Variants in CYP2W1 observed in about 807,000 individuals in gnomAD.
The protein encoded by CYP2W1 is cytochrome P450 family 2 subfamily W member 1, also known as cytochrome P450 2W1.
CYP2W1 carries 51 observed loss-of-function variants against 44.9 expected under a neutral mutation model. That is an observed-to-expected ratio of 1.14 (90% CI 0.91 to 1.43). The LOEUF (loss-of-function observed/expected upper bound fraction) is 1.43, where lower values mean the gene tolerates loss of function less well. Ranked by LOEUF, CYP2W1 falls within the 40% of genes most tolerant of loss-of-function variation. The pLI is 0.00. For synonymous variants in CYP2W1, 383 were observed against 338.3 expected (o/e 1.13, Z -1.45); for missense variants, 746 against 700.0 (o/e 1.07, Z -0.74).
Position 985,249 on chromosome 7 carries a change from C to T in CYP2W1, c.571C>T (p.Arg191Trp), listed in dbSNP as rs778957171. ...ALLFGRRFDY[R>W]DPVFVSLLGL... ...CCTCTTCGGCCGCCGATTTGACTAC[C>T]GGGACCCCGTGTTTGTGTCCCTGCT... Residue 191 changes from arginine to tryptophan, a missense_variant, in exon 4 of 9, where the codon CGG (arginine) becomes TGG (tryptophan). Coordinates refer to ENST00000308919, the MANE Select transcript of CYP2W1 (RefSeq NM_017781.3). 5.8e-6 allele frequency: 9 copies of T among 1,552,054 alleles called. No individual in the cohort carries two copies. In the East Asian group the frequency reaches 9.7e-5, roughly 17 times the overall value.
Position 983,281 on chromosome 7 carries a change from G to C in CYP2W1, c.70G>C (p.Asp24His), listed in dbSNP as rs1220512100. The C allele has an allele frequency of 4.5e-6, 7 of 1,543,718 alleles. No homozygotes were observed. Among genetic ancestry groups the C allele is most frequent in the Non-Finnish European group, 5.2e-6 (6 of 1,145,152 alleles). ...LWGLLCACAQ[D>H]PSPAARWPPG... ...GGGGCTGCTCTGCGCCTGCGCCCAA[G>C]ACCCCTCCCCAGCTGCCCGGTGGCC... is the stretch of plus-strand genomic sequence containing the variant. The change falls in exon 1 of 9, where the codon GAC becomes CAC. Residue 24 changes from aspartate (D) to histidine (H), a missense_variant. Transcript: ENST00000308919.
chr7:984,093 G>A (rs867855635), intron 1 of CYP2W1, among the ~76,000 whole-genome samples: 1 of 152,246 alleles, frequency 6.6e-6, no homozygotes, highest in Admixed American at 6.5e-5. Context: ...CTTTCAGAAT[G>A]TGCCACCCCA....
At position 984,832 on chromosome 7, in the gene CYP2W1, G is replaced by C. The variant is rs931813122; in HGVS notation, c.338-118G>C. 1.3e-5 allele frequency: 18 copies of C among 1,368,970 alleles called. No individual in the cohort carries two copies. In the African/African-American group the frequency reaches 2.2e-4, roughly 17 times the overall value. The allele number at this position is 1,368,970 out of a possible 1,614,324, so 84.8% of individuals were successfully genotyped here. A position where few individuals can be genotyped will look rare whatever the true frequency, so the allele number is the denominator to read the frequency against. On this transcript the variant is annotated intron_variant, in intron 2 of 8. Transcript: ENST00000308919. The stretch of plus-strand genomic sequence containing the variant: ...GCCCAGGGGGACGGGAGTGGGGATG[G>C]GGGTGAGGGCCCAGCCAGTCTCGCT...
rs1284754725 is a variant in CYP2W1 at position 988,507 on chromosome 7, A to C, written c.1285+89A>C. 3 of 1,597,986 alleles carry C rather than the reference A, an allele frequency of 1.9e-6. No individual in the cohort carries two copies. The East Asian group carries it at 6.8e-5, about 36-fold the overall frequency. On this transcript the variant is annotated intron_variant, in intron 8 of 8. Coordinates refer to ENST00000308919, the MANE Select transcript of CYP2W1 (RefSeq NM_017781.3). ...AGCTCCGCCTGCCGCCTCTGCACCC[A>C]CCTCCTGATCTCAGGTTCTGAAGGC... is the stretch of plus-strand genomic sequence containing the variant.
At chr7:983,712 G>C (rs968703040) in intron 1 of CYP2W1, among the ~76,000 whole-genome samples, 5 of 152,240 alleles carry the variant, frequency 3.3e-5, no homozygotes, top group African/African-American at 1.2e-4. Flanking sequence ...GCAGAGGGGA[G>C]GAGGGCCTGG....
intron 7 of CYP2W1, among the ~76,000 whole-genome samples, 200 bp downstream of exon 7, chr7:987,731 C>G (rs1033766152): frequency 1.3e-5 from 2 of 152,334 alleles, no homozygotes; most frequent in African/African-American, 4.8e-5. Context: ...GCCTGGCCAG[C>G]AGACCTGGCG....
intron 4 of CYP2W1, chr7:986,329 A>C: frequency 2.2e-6 from 1 of 454,146 alleles, no homozygotes; most frequent in East Asian, 4.5e-5. Context: ...GACTCACAGG[A>C]GGTTCAAGGT....
intron 1 of CYP2W1, among the ~76,000 whole-genome samples, 187 bp downstream of exon 1, chr7:983,572 A>G (rs111680545): frequency 2.6e-5 from 4 of 152,284 alleles, no homozygotes; most frequent in African/African-American, 9.6e-5. Context: ...CCCACAGGGA[A>G]GCAGACACAC....
At chr7:985,641 G>GC (rs1848282983) in intron 4 of CYP2W1, among the ~76,000 whole-genome samples, 1 of 152,092 alleles carries the variant, frequency 6.6e-6, no homozygotes, top group African/African-American at 2.4e-5. Context: ...CTCCATGTCT[G>GC]CCCCCCAAGC....
Position 983,204 on chromosome 7 carries a change from A to C in CYP2W1, c.-8A>C. 6.7e-7 allele frequency: 1 copy of C among 1,490,168 alleles called. No individual in the cohort carries two copies. The highest frequency in any genetic ancestry group is 9.0e-7 in the Non-Finnish European group (1 of 1,111,890). The allele number at this position is 1,490,168 out of a possible 1,614,324, so 92.3% of individuals were successfully genotyped here. A position where few individuals can be genotyped will look rare whatever the true frequency, so the allele number is the denominator to read the frequency against. On this transcript the variant is annotated 5_prime_UTR_variant, in exon 1 of 9. Coordinates refer to ENST00000308919, the MANE Select transcript of CYP2W1 (RefSeq NM_017781.3). ...GGAGGGGAGTGGAGCCTCACCAGCC[A>C]CGTCCTCATGGCCCTGCTGCTCTTG...
chr7:983,682 G>A (rs1848097543), intron 1 of CYP2W1, among the ~76,000 whole-genome samples: 1 of 152,248 alleles, frequency 6.6e-6, no homozygotes, highest in Non-Finnish European at 1.5e-5. Context: ...AGAGCCCGCA[G>A]GAGGCCAGGC....
Position 988,290 on chromosome 7 carries a change from T to G in CYP2W1, c.1157T>G (p.Ile386Ser). ...CTGCCCCCACAGGGCACGCCCGTGA[T>G]TCCCCTGCTGACCTCGGTGCTCCTG... ...GFLLPKGTPV[I>S]PLLTSVLLDE... The change falls in exon 8 of 9, where the codon ATT becomes AGT. Residue 386 changes from isoleucine to serine, a missense_variant. Physicochemically the swap from Ile to Ser is moderately radical, Grantham distance 142 (BLOSUM62 -2). Transcript: ENST00000308919. 1 of 1,596,018 alleles carries G rather than the reference T, an allele frequency of 6.3e-7. No homozygotes were observed. The highest frequency in any genetic ancestry group is 8.6e-7 in the Non-Finnish European group (1 of 1,167,874).
chr7:988,172 G>A (rs1446631468), intron 7 of CYP2W1, 105 bp from the exon 8 acceptor site: 2 of 1,321,784 alleles, frequency 1.5e-6, no homozygotes, highest in Non-Finnish European at 2.1e-6. Flanking sequence ...AACACCAGGT[G>A]TGGTGGGTGT....
At chr7:987,296 C>T in intron 6 of CYP2W1, 51 bp downstream of exon 6, 1 of 1,517,786 alleles carries the variant, frequency 6.6e-7, no homozygotes, top group Non-Finnish European at 8.8e-7. Flanking sequence ...CGGGGGACCC[C>T]CAGGGACGAG....
rs2128123713 is a variant in CYP2W1 at position 986,641 on chromosome 7, A to G, written c.663A>G (p.Pro221=). The G allele has an allele frequency of 3.1e-6, 5 of 1,612,554 alleles. No homozygotes were observed. The highest frequency in any genetic ancestry group is 4.2e-6 in the Non-Finnish European group (5 of 1,179,828). Residue 221 remains proline (P), a synonymous_variant, in exon 5 of 9, where the codon CCA becomes CCG. Coordinates refer to ENST00000308919, the MANE Select transcript of CYP2W1 (RefSeq NM_017781.3). ...CTGCCCAGCTGTTCAACGTCTACCCATGGCTCGGGGCCCTGCTCCAGCTGC... is the reference window on the plus strand; with the variant it reads ...CTGCCCAGCTGTTCAACGTCTACCCGTGGCTCGGGGCCCTGCTCCAGCTGC... The part of the protein sequence containing the change: ...SPGLQLFNVY[P]WLGALLQLHR...
chr7:983,240 G>A lies in CYP2W1; in HGVS notation c.29G>A (p.Gly10Asp). 1 of 1,528,916 alleles carries A rather than the reference G, an allele frequency of 6.5e-7. No homozygotes were observed. Among genetic ancestry groups the A allele is most frequent in the Non-Finnish European group, 8.8e-7 (1 of 1,134,178 alleles). The allele number at this position is 1,528,916 out of a possible 1,614,324, so 94.7% of individuals were successfully genotyped here. The change falls in exon 1 of 9, where the codon GGC (glycine) becomes GAC (aspartate). Residue 10 changes from glycine (G) to aspartate (D), a missense_variant. Transcript: ENST00000308919. MALLLLLFLGLLGLWGLLCA... is the reference protein window; with the variant it reads MALLLLLFLDLLGLWGLLCA... ...GCCCTGCTGCTCTTGCTGTTCCTGG[G>A]CCTCCTGGGGCTCTGGGGGCTGCTC... is the stretch of plus-strand genomic sequence containing the variant.
chr7:985,640 TG>T (rs1024629760), intron 4 of CYP2W1, among the ~76,000 whole-genome samples: 16 of 152,188 alleles, frequency 1.1e-4, no homozygotes, highest in African/African-American at 3.6e-4. Context: ...GCTCCATGTC[TG>T]CCCCCCAAGC....
rs753062234 is a variant in CYP2W1 at position 987,158 on chromosome 7, C to A, written c.871C>A (p.Leu291Met). ...TGAGGCCAACGCGGTGGCCTGCACC[C>A]TGGACATGGTCATGGCCGGGACGGA... ...FAEANAVACT[L>M]DMVMAGTETT... is the part of the protein sequence containing the mutation. The change falls in exon 6 of 9, where the codon CTG becomes ATG. Residue 291 changes from leucine to methionine, a missense_variant. Transcript: ENST00000308919. 1 of 1,577,370 alleles carries A rather than the reference C, an allele frequency of 6.3e-7. No individual in the cohort carries two copies. The highest frequency in any genetic ancestry group is 1.8e-5 in the Admixed American group (1 of 56,194).
chr7:988,714 C>T lies in CYP2W1; in HGVS notation c.1365C>T (p.Arg455=). The T allele has an allele frequency of 1.3e-6, 2 of 1,599,692 alleles. No homozygotes were observed. The highest frequency in any genetic ancestry group is 2.2e-5 in the South Asian group (2 of 91,072). Residue 455 remains arginine (R), a synonymous_variant, in exon 9 of 9, where the codon CGC becomes CGT. Transcript: ENST00000308919. ...LLFAGLLQRY[R]LLPPPGVSPA... is the part of the protein sequence containing the mutation. ...TTGCCGGCCTCCTGCAGAGGTACCG[C>T]CTGCTGCCCCCGCCTGGCGTCAGTC... is the stretch of plus-strand genomic sequence containing the variant.
Sources: gnomAD v4.1 joint callset for allele counts (sites outside exome capture counted in the v4.1 genomes callset) on GRCh38, gnomAD v4.1.1 for gene constraint, MANE v1.5 for transcripts, NCBI Gene and HGNC (gene_info 2026-07-23, HGNC 2026-07-21) for gene names.